The following POLR3B variants were observed in gnomAD, a reference collection of about 807,000 sequenced individuals.
The protein encoded by POLR3B is RNA polymerase III subunit B.
In POLR3B, 96 loss-of-function variants were observed where a neutral mutation model predicts 147.4. The ratio of observed to expected loss-of-function variants is 0.65; its 90% CI spans 0.55 to 0.77. POLR3B has a LOEUF of 0.77. Among genes scored for constraint, POLR3B ranks in the 30% least tolerant of loss-of-function variants. The pLI is 0.00. For missense variants in POLR3B, 1,036 were observed against 1,413.5 expected, an observed-to-expected ratio of 0.73 and a Z score of 4.28; for synonymous variants, 461 against 485.9, an observed-to-expected ratio of 0.95 and a Z score of 0.67.
At chr12:106,402,497 C>T (rs374686857) in intron 10 of POLR3B, among the ~76,000 whole-genome samples, 46 of 152,240 alleles carry the variant, frequency 3.0e-4, no homozygotes, top group East Asian at 1.7e-3. Context: ...GAGCCCGCAT[C>T]GCCAAGTCAA....
chr12:106,375,812 C>G (rs1055341276), intron 6 of POLR3B, among the ~76,000 whole-genome samples: 2 of 152,138 alleles, frequency 1.3e-5, no homozygotes, highest in Admixed American at 6.5e-5. Flanking sequence ...CTGACTCTCA[C>G]TAAAGCCTGT....
intron 6 of POLR3B, 43 bp from the exon 7 acceptor site, chr12:106,376,316 G>T: frequency 7.4e-7 from 1 of 1,352,696 alleles, no homozygotes. Flanking sequence ...TTTTATCATT[G>T]ACAGCCTACA....
At chr12:106,381,471 T>C (rs1215057059) in intron 9 of POLR3B, among the ~76,000 whole-genome samples, 1 of 152,216 alleles carries the variant, frequency 6.6e-6, no homozygotes, top group African/African-American at 2.4e-5. Context: ...TTAGATTCCA[T>C]TTCAAGAAAT....
At chr12:106,361,201 A>G (rs2036465531) in intron 1 of POLR3B, among the ~76,000 whole-genome samples, 3 of 152,214 alleles carry the variant, frequency 2.0e-5, no homozygotes, top group Non-Finnish European at 2.9e-5. Context: ...GTAGTAAGGA[A>G]GTATTGCCGC....
intron 22 of POLR3B, among the ~76,000 whole-genome samples, chr12:106,459,988 C>G (rs911318247): frequency 6.6e-6 from 1 of 152,058 alleles, no homozygotes; most frequent in Admixed American, 6.5e-5. Context: ...ATATAAAAAC[C>G]AAACTAGAAG....
At chr12:106,488,493 C>T (rs2038371331) in intron 23 of POLR3B, among the ~76,000 whole-genome samples, 1 of 152,176 alleles carries the variant, frequency 6.6e-6, no homozygotes, top group Non-Finnish European at 1.5e-5. Context: ...AAGTCTTGAG[C>T]TCATTTCCCA....
chr12:106,452,599 A>C (rs749756508), intron 19 of POLR3B, among the ~76,000 whole-genome samples: 3 of 152,200 alleles, frequency 2.0e-5, no homozygotes, highest in Non-Finnish European at 4.4e-5. Flanking sequence ...AAATCTCAAC[A>C]TAAATTTTAA....
intron 23 of POLR3B, among the ~76,000 whole-genome samples, chr12:106,477,726 G>A (rs908420479): frequency 2.6e-5 from 4 of 151,928 alleles, no homozygotes; most frequent in Non-Finnish European, 5.9e-5. Flanking sequence ...TTCGGCTCGC[G>A]CAGGGTACGC....
At chr12:106,469,952 A>G (rs1357823022) in intron 23 of POLR3B, among the ~76,000 whole-genome samples, 4 of 152,076 alleles carry the variant, frequency 2.6e-5, no homozygotes, top group Non-Finnish European at 5.9e-5. Context: ...CTCGAGGAGT[A>G]TCTTTGTGGT....
intron 12 of POLR3B, among the ~76,000 whole-genome samples, chr12:106,420,734 G>A (rs192330545): frequency 1.8e-4 from 27 of 152,186 alleles, no homozygotes; most frequent in African/African-American, 2.2e-4. Context: ...AAATATCACT[G>A]TGGTTTAATA....
chr12:106,486,025 C>T (rs146824464), intron 23 of POLR3B, among the ~76,000 whole-genome samples: 1 of 152,142 alleles, frequency 6.6e-6, no homozygotes, highest in East Asian at 1.9e-4. Flanking sequence ...CGCGGTGGCT[C>T]ACGCCTGTAA....
intron 25 of POLR3B, among the ~76,000 whole-genome samples, chr12:106,498,321 G>C (rs2137078912): frequency 6.6e-6 from 1 of 152,350 alleles, no homozygotes; most frequent in South Asian, 2.1e-4. Flanking sequence ...CCCGAGGTGA[G>C]GGTGGAGGGG....
At chr12:106,446,091 T>G (rs2037718926) in intron 19 of POLR3B, 1 of 300,116 alleles carries the variant, frequency 3.3e-6, no homozygotes, top group Admixed American at 4.1e-5. Flanking sequence ...GTAGGCTGAT[T>G]TCCCGCTTGT....
chr12:106,414,882 G>A (rs930285691), intron 12 of POLR3B, among the ~76,000 whole-genome samples: 2 of 152,128 alleles, frequency 1.3e-5, no homozygotes, highest in Non-Finnish European at 2.9e-5. Flanking sequence ...TTAATTACAT[G>A]TTCTAAAATA....
At chr12:106,505,529 C>T (rs540084347) in intron 27 of POLR3B, among the ~76,000 whole-genome samples, 1 of 152,076 alleles carries the variant, frequency 6.6e-6, no homozygotes, top group Non-Finnish European at 1.5e-5. Context: ...CTCAAGTGAT[C>T]CCTCCCAAAG....
At chr12:106,399,981 C>T (rs549121620) in intron 10 of POLR3B, among the ~76,000 whole-genome samples, 7 of 152,230 alleles carry the variant, frequency 4.6e-5, no homozygotes, top group South Asian at 2.1e-4. Flanking sequence ...TCACACATAA[C>T]GATATTAACT....
At chr12:106,404,245 G>A (rs1000636707) in intron 10 of POLR3B, among the ~76,000 whole-genome samples, 7 of 151,758 alleles carry the variant, frequency 4.6e-5, no homozygotes, top group African/African-American at 1.5e-4. Context: ...TGTGCACCAC[G>A]ATGCCCGGCT....
At chr12:106,432,676 AT>A (rs1178539180) in intron 15 of POLR3B, among the ~76,000 whole-genome samples, 196 bp downstream of exon 15, 2 of 152,220 alleles carry the variant, frequency 1.3e-5, no homozygotes, top group Non-Finnish European at 2.9e-5. Context: ...CTGAGAGGAT[AT>A]AGCTATCAGA....
At chr12:106,359,425 G>A (rs1304236606) in intron 1 of POLR3B, among the ~76,000 whole-genome samples, 1 of 147,596 alleles carries the variant, frequency 6.8e-6, no homozygotes, top group Non-Finnish European at 1.5e-5. Flanking sequence ...TCTGCCTCCC[G>A]GGTTCAAGCA....
Sources: allele counts gnomAD v4.1 joint callset (sites outside exome capture counted in the v4.1 genomes callset), GRCh38; gene constraint gnomAD v4.1.1; transcripts MANE v1.5; gene names NCBI Gene and HGNC (gene_info 2026-07-23, HGNC 2026-07-21).